ZNF92: variants seen among roughly 807,000 people sequenced by gnomAD.
ZNF92 encodes the protein epididymis luminal protein 203.
ZNF92 carries 11 observed loss-of-function variants against 12.4 expected under a neutral mutation model. That is an observed-to-expected ratio of 0.89 (90% CI 0.56 to 1.47). The LOEUF (loss-of-function observed/expected upper bound fraction) is 1.47, where lower values mean the gene tolerates loss of function less well. ZNF92 is among the 40% of genes most tolerant of loss of function. The pLI, the probability that ZNF92 is intolerant of heterozygous loss-of-function variation, is 0.00. For missense variants in ZNF92, 622 were observed against 681.0 expected (o/e 0.91, Z 0.96); for synonymous variants, 206 against 228.6 (o/e 0.90, Z 0.89).
chr7:65,398,757 A>T lies in ZNF92; in HGVS notation c.643A>T (p.Thr215Ser). The stretch of plus-strand genomic sequence containing the variant: ...TGGTAAAGCCTTTAACTGGTCCTCA[A>T]CCCTTACTAAACATAAGATAATTCA... ...ECGKAFNWSS[T>S]LTKHKIIHTG... The change falls in exon 4 of 4, where the codon ACC becomes TCC. Residue 215 changes from threonine (T) to serine (S), a missense_variant. By Grantham distance (58) the Thr-to-Ser change is moderately conservative. Coordinates refer to ENST00000328747, the MANE Select transcript of ZNF92 (RefSeq NM_152626.4). The T allele has an allele frequency of 6.2e-7, 1 of 1,613,098 alleles. No individual in the cohort carries two copies. The highest frequency in any genetic ancestry group is 2.2e-5 in the East Asian group (1 of 44,858).
In ZNF92 at chr7:65,399,370, A is replaced by G; in HGVS notation, c.1256A>G (p.His419Arg). 1.2e-6 allele frequency: 2 copies of G among 1,613,756 alleles called. No homozygotes were observed. The highest frequency in any genetic ancestry group is 1.1e-5 in the South Asian group (1 of 91,048). Residue 419 changes from histidine (H) to arginine (R), a missense_variant, in exon 4 of 4, where the codon CAT becomes CGT. By Grantham distance (29) the His-to-Arg change is conservative (BLOSUM62 0). Transcript: ENST00000328747. ...ACCCTTACTGAACATAAGATAATTCATACTGGAGAGAAACCCTACAAATGT... is the reference window on the plus strand; with the variant it reads ...ACCCTTACTGAACATAAGATAATTCGTACTGGAGAGAAACCCTACAAATGT... ...SSTLTEHKIIHTGEKPYKCEK... is the reference protein window; with the variant it reads ...SSTLTEHKIIRTGEKPYKCEK...
rs199949471 is a variant in ZNF92 at position 65,374,521 on chromosome 7, C to CT, written c.3+525dup. ...CCGTGGGAGGGGCTTGAAGGAAACA[C>CT]TTTTATAAGATGCATAATGAAAAAA... On this transcript the variant is annotated intron_variant, in intron 1 of 3. Coordinates refer to ENST00000328747, the MANE Select transcript of ZNF92 (RefSeq NM_152626.4). 7.3e-3 allele frequency among the ~76,000 whole-genome samples: 1,103 copies of CT among 151,936 alleles called. 23 individuals carry two copies. Among genetic ancestry groups the CT allele is most frequent in the African/African-American group, 0.025 (1,050 of 41,392 alleles).
chr7:65,399,487 G>A lies in ZNF92; in HGVS notation c.1373G>A (p.Cys458Tyr), dbSNP rs1325600007. 3.1e-6 allele frequency: 5 copies of A among 1,613,288 alleles called. No individual in the cohort carries two copies. In the South Asian group the frequency reaches 4.4e-5, roughly 14 times the overall value. Residue 458 changes from cysteine to tyrosine, a missense_variant, in exon 4 of 4, where the codon TGT becomes TAT. Cys to Tyr is a radical substitution (Grantham distance 194). Coordinates refer to ENST00000328747, the MANE Select transcript of ZNF92 (RefSeq NM_152626.4). ...GATAAACCCTACAAATGTGAAGAAT[G>A]TGGCAAAGCCTTTAGTGTATTCTCA... is the stretch of plus-strand genomic sequence containing the variant. ...MEDKPYKCEE[C>Y]GKAFSVFSTL...
chr7:65,398,132 A>C (rs1793891142), intron 3 of ZNF92, among the ~76,000 whole-genome samples: 1 of 152,114 alleles, frequency 6.6e-6, no homozygotes, highest in African/African-American at 2.4e-5. Context: ...GGGGCACTGT[A>C]CACATTTAAC....
Position 65,398,357 on chromosome 7 carries a change from T to C in ZNF92, c.243T>C (p.Phe81=), listed in dbSNP as rs775771335. 5.8e-6 allele frequency: 9 copies of C among 1,554,984 alleles called. No homozygotes were observed. Among genetic ancestry groups the C allele is most frequent in the Non-Finnish European group, 7.8e-6 (9 of 1,154,120 alleles). Residue 81 remains phenylalanine, a synonymous_variant, in exon 4 of 4, where the codon TTT becomes TTC. Coordinates refer to ENST00000328747, the MANE Select transcript of ZNF92 (RefSeq NM_152626.4). ...TTTTTTCAGTTATGTGTTCTCATTTTGCCCAAGATGTTTGGCCAGAGCACA... is the reference window on the plus strand; with the variant it reads ...TTTTTTCAGTTATGTGTTCTCATTTCGCCCAAGATGTTTGGCCAGAGCACA... The part of the protein sequence containing the change: ...VDKTPVMCSH[F]AQDVWPEHSI...
chr7:65,391,840 A>G (rs1584286417), intron 3 of ZNF92, among the ~76,000 whole-genome samples: 1 of 152,166 alleles, frequency 6.6e-6, no homozygotes, highest in Non-Finnish European at 1.5e-5. Flanking sequence ...CATACAGTGC[A>G]TGCCAGTGAT....
At chr7:65,374,860 C>T (rs940514515) in intron 1 of ZNF92, among the ~76,000 whole-genome samples, 3 of 151,998 alleles carry the variant, frequency 2.0e-5, no homozygotes, top group Non-Finnish European at 4.4e-5. Flanking sequence ...CTCAAGTCTA[C>T]CCCCCATCCC....
chr7:65,397,910 A>T (rs985272842), intron 3 of ZNF92, among the ~76,000 whole-genome samples: 2 of 152,118 alleles, frequency 1.3e-5, no homozygotes, highest in African/African-American at 2.4e-5. Flanking sequence ...ACTTTATGGC[A>T]TGGGAGACAG....
Position 65,398,775 on chromosome 7 carries a change from A to G in ZNF92, c.661A>G (p.Ile221Val). The G allele has an allele frequency of 6.2e-7, 1 of 1,613,210 alleles. No homozygotes were observed. The highest frequency in any genetic ancestry group is 8.5e-7 in the Non-Finnish European group (1 of 1,179,814). The change falls in exon 4 of 4, where the codon ATA becomes GTA. Residue 221 changes from isoleucine (I) to valine (V), a missense_variant. Coordinates refer to ENST00000328747, the MANE Select transcript of ZNF92 (RefSeq NM_152626.4). Reference protein sequence around the residue: ...NWSSTLTKHKIIHTGEKPYKC... With the variant: ...NWSSTLTKHKVIHTGEKPYKC... The stretch of plus-strand genomic sequence containing the variant: ...GTCCTCAACCCTTACTAAACATAAG[A>G]TAATTCATACTGGAGAAAAACCCTA...
intron 1 of ZNF92, among the ~76,000 whole-genome samples, chr7:65,376,696 T>G (rs1793251754): frequency 1.3e-5 from 2 of 152,230 alleles, no homozygotes. Flanking sequence ...CTGCCCACCT[T>G]GGCTTCCCAA....
Position 65,399,767 on chromosome 7 carries a change from C to G in ZNF92, c.1653C>G (p.Thr551=). 1.9e-6 allele frequency: 3 copies of G among 1,613,424 alleles called. No individual in the cohort carries two copies. Among genetic ancestry groups the G allele is most frequent in the Non-Finnish European group, 2.5e-6 (3 of 1,179,626 alleles). Residue 551 remains threonine (T), a synonymous_variant, in exon 4 of 4, where the codon ACC becomes ACG. Transcript: ENST00000328747. ...ACAAAGCCTTTAACAAGTTCTCAACCCTTATTACACATCAGATAATTTATA... is the reference window on the plus strand; with the variant it reads ...ACAAAGCCTTTAACAAGTTCTCAACGCTTATTACACATCAGATAATTTATA... ...ECDKAFNKFS[T]LITHQIIYTG... is the part of the protein sequence containing the mutation.
intron 1 of ZNF92, among the ~76,000 whole-genome samples, chr7:65,377,276 T>C (rs939151251): frequency 1.3e-5 from 2 of 152,130 alleles, no homozygotes; most frequent in African/African-American, 2.4e-5. Context: ...ATGGCTATTA[T>C]TGAGCCTGCA....
At chr7:65,392,021 C>T (rs926662607) in intron 3 of ZNF92, among the ~76,000 whole-genome samples, 4 of 151,958 alleles carry the variant, frequency 2.6e-5, no homozygotes, top group Non-Finnish European at 5.9e-5. Context: ...GGTTTCTTAT[C>T]AGTTTTTGTT....
intron 1 of ZNF92, among the ~76,000 whole-genome samples, chr7:65,384,101 C>T (rs1294233446): frequency 6.6e-6 from 1 of 151,730 alleles, no homozygotes; most frequent in African/African-American, 2.4e-5. Context: ...GTTTCTTTTA[C>T]CTTGTTAAGA....
At chr7:65,383,905 A>G (rs1347925616) in intron 1 of ZNF92, among the ~76,000 whole-genome samples, 1 of 152,082 alleles carries the variant, frequency 6.6e-6, no homozygotes, top group Admixed American at 6.6e-5. Context: ...ACATTTGAGG[A>G]TGTCCAGAGT....
intron 1 of ZNF92, among the ~76,000 whole-genome samples, chr7:65,386,211 G>T (rs1793559920): frequency 2.0e-5 from 3 of 151,826 alleles, no homozygotes; most frequent in Admixed American, 2.0e-4. Context: ...GTAGAGACGG[G>T]GTTTCACCGT....
intron 1 of ZNF92, among the ~76,000 whole-genome samples, chr7:65,387,127 A>G (rs1322705692): frequency 2.6e-5 from 4 of 151,574 alleles, no homozygotes; most frequent in Non-Finnish European, 5.9e-5. Context: ...TTTTAGTAGA[A>G]ATGGGGTTTC....
At chr7:65,378,985 G>T (rs1211196053) in intron 1 of ZNF92, among the ~76,000 whole-genome samples, 15 of 151,958 alleles carry the variant, frequency 9.9e-5, no homozygotes, top group African/African-American at 3.6e-4. Context: ...ATTTTTCCCT[G>T]CTTCTTTTTT....
intron 3 of ZNF92, among the ~76,000 whole-genome samples, chr7:65,392,152 T>G (rs939894717): frequency 1.3e-5 from 2 of 152,102 alleles, no homozygotes; most frequent in Non-Finnish European, 2.9e-5. Flanking sequence ...ATGTGTGTGT[T>G]TTTATCTATT....
Sources: gnomAD v4.1 joint callset for allele counts (sites outside exome capture counted in the v4.1 genomes callset) on GRCh38, gnomAD v4.1.1 for gene constraint, MANE v1.5 for transcripts, NCBI Gene and HGNC (gene_info 2026-07-23, HGNC 2026-07-21) for gene names.